Variants in RET observed in about 807,000 individuals in gnomAD.
RET encodes the protein ret proto-oncogene, also known as proto-oncogene tyrosine-protein kinase receptor Ret.
RET carries 19 observed loss-of-function variants against 118.3 expected under a neutral mutation model. That is an observed-to-expected ratio of 0.16 (90% CI 0.11 to 0.24). The LOEUF is 0.24. Among genes scored for constraint, RET ranks in the 10% least tolerant of loss-of-function variants. The probability of loss-of-function intolerance (pLI) is 1.00; values close to 1 mark genes in which losing one functional copy is unlikely to be tolerated. For missense variants in RET, 1,219 were observed against 1,502.1 expected, an observed-to-expected ratio of 0.81 and a Z score of 3.12; for synonymous variants, 597 against 644.1, an observed-to-expected ratio of 0.93 and a Z score of 1.11.
rs150797149 is a variant in RET, at chr10:43,105,151, C to T, written c.825C>T (p.Gly275=). 2.5e-6 allele frequency: 4 copies of T among 1,612,530 alleles called. No homozygotes were observed. The highest frequency in any genetic ancestry group is 1.7e-5 in the Admixed American group (1 of 59,976). ...ACTCGGCGCCCACCTTCCCCGCGGG[C>T]GTCGACACCGCCAGCGCCGTGGTGG... ...EDDSAPTFPA[G]VDTASAVVEF... is the part of the protein sequence containing the mutation. Residue 275 remains glycine (G), a synonymous_variant, in exon 4 of 20, where the codon GGC becomes GGT. Transcript: ENST00000355710.
At chr10:43,122,037 C>A in intron 16 of RET, 21 bp downstream of exon 16, 1 of 1,601,318 alleles carries the variant, frequency 6.2e-7, no homozygotes, top group South Asian at 1.1e-5. Flanking sequence ...GTGTTGCTCT[C>A]TTGGGGTGGA....
rs771768140 is a variant in RET at position 43,114,725 on chromosome 10, T to C, written c.2125T>C (p.Phe709Leu). The C allele has an allele frequency of 8.7e-6, 14 of 1,610,000 alleles. 1 individual carries two copies. The South Asian group carries it at 1.3e-4, about 15-fold the overall frequency. ...GGAGAACCAGGTCTCCGTGGATGCC[T>C]TCAAGATCCTGGTGAGGGTCCCTGC... ...SMENQVSVDA[F>L]KILEDPKWEF... is the part of the protein sequence containing the mutation. The change falls in exon 11 of 20, where the codon TTC (phenylalanine) becomes CTC (leucine). Residue 709 changes from phenylalanine to leucine, a missense_variant. By Grantham distance (22) the Phe-to-Leu change is conservative. This residue lies in a region of RET where 850 missense variants were observed against 969.6 expected (regional missense o/e 0.88). Coordinates refer to ENST00000355710, the MANE Select transcript of RET (RefSeq NM_020975.6). The surrounding 1 kb of genome is among the most constrained non-coding windows in gnomAD (Gnocchi z 4.6).
intron 1 of RET, among the ~76,000 whole-genome samples, chr10:43,080,944 C>T (rs1252848889): frequency 6.6e-6 from 1 of 152,212 alleles, no homozygotes; most frequent in Non-Finnish European, 1.5e-5. Context: ...GAAGCTACTG[C>T]TCTGAAGACA....
chr10:43,122,070 A>G, intron 16 of RET, 54 bp downstream of exon 16: 2 of 1,409,554 alleles, frequency 1.4e-6, no homozygotes, highest in Middle Eastern at 1.8e-4. Flanking sequence ...ACCCTTATAC[A>G]TGTAGTGGGG....
chr10:43,118,312 A>C, intron 12 of RET, 61 bp from the exon 13 acceptor site: 1 of 1,301,264 alleles, frequency 7.7e-7, no homozygotes, highest in Non-Finnish European at 1.1e-6. Flanking sequence ...CTGACCTGGT[A>C]TGGTCATGGA....
chr10:43,080,624 C>A (rs1837158427), intron 1 of RET, among the ~76,000 whole-genome samples: 1 of 152,236 alleles, frequency 6.6e-6, no homozygotes, highest in Non-Finnish European at 1.5e-5. Context: ...TGCCCACCCA[C>A]TGGTGAGTCC....
rs565561196 is a variant in RET, at chr10:43,106,808, G to A, written c.1063+237G>A. Among the ~76,000 whole-genome samples the A allele has an allele frequency of 1.3e-4, 20 of 152,254 alleles. No homozygotes were observed. In the South Asian group the frequency reaches 3.9e-3, roughly 30 times the overall value. ...CCTGAGCTGATCCATGGCCGACCCT[G>A]GCAGGGCCCCACCACACCCCCCTGC... On this transcript the variant is annotated intron_variant, in intron 5 of 19. Transcript: ENST00000355710. The surrounding 1 kb of genome is among the most constrained non-coding windows in gnomAD (Gnocchi z 5.1).
intron 3 of RET, chr10:43,102,973 CGAG>C (rs1837675354): frequency 2.6e-6 from 1 of 380,776 alleles, no homozygotes; most frequent in South Asian, 2.2e-5. Context: ...GGGGAACAGA[CGAG>C]GAGACCTCCA....
Position 43,114,827 on chromosome 10 carries a change from G to C in RET, c.2136+91G>C. ...CAGCTGGGGAGACAGAGGCCATCCT[G>C]TGAGGGGCTGCCAACGCTGGGCAGA... On this transcript the variant is annotated intron_variant, in intron 11 of 19. Transcript: ENST00000355710. This position sits in a 1 kb window ranked among gnomAD's most constrained non-coding sequence, Gnocchi z 4.6. The C allele has an allele frequency of 2.9e-6, 4 of 1,386,546 alleles. No homozygotes were observed. The highest frequency in any genetic ancestry group is 3.9e-6 in the Non-Finnish European group (4 of 1,030,074). 85.9% of individuals were successfully genotyped at this position (1,386,546 alleles called of 1,614,324 possible).
chr10:43,122,302 C>T (rs1838236830), intron 16 of RET, among the ~76,000 whole-genome samples: 1 of 152,188 alleles, frequency 6.6e-6, no homozygotes, highest in African/African-American at 2.4e-5. Flanking sequence ...CTTGCTAGTC[C>T]CATGCCTCCC....
intron 2 of RET, 101 bp from the exon 3 acceptor site, chr10:43,102,241 G>A: frequency 6.9e-7 from 1 of 1,452,440 alleles, no homozygotes; most frequent in Non-Finnish European, 9.5e-7. Context: ...CCTTGGTGGG[G>A]ACCAGGGTTT....
chr10:43,123,944 G>A, intron 17 of RET, 136 bp downstream of exon 17: 1 of 1,350,782 alleles, frequency 7.4e-7, no homozygotes. Context: ...GCAGAGGTTA[G>A]AGAGCCATCC....
Position 43,124,888 on chromosome 10 carries a change from G to T in RET, c.2945G>T (p.Arg982Leu), listed in dbSNP as rs368550200. Residue 982 changes from arginine to leucine, a missense_variant, in exon 18 of 20, where the codon CGC (arginine) becomes CTC (leucine). Around this residue, in one of 5 missense-constraint regions of RET, gnomAD observed 174 missense variants for 179.3 expected, o/e 0.97. Transcript: ENST00000355710. ...RPDNCSEEMYRLMLQCWKQEP... is the reference protein window; with the variant it reads ...RPDNCSEEMYLLMLQCWKQEP... ...CTGTCTGCTCTTCCCACCAGGTACCGCCTGATGCTGCAATGCTGGAAGCAG... is the reference window on the plus strand; with the variant it reads ...CTGTCTGCTCTTCCCACCAGGTACCTCCTGATGCTGCAATGCTGGAAGCAG... The T allele has an allele frequency of 1.2e-6, 2 of 1,613,912 alleles. No homozygotes were observed. Among genetic ancestry groups the T allele is most frequent in the South Asian group, 1.1e-5 (1 of 91,060 alleles).
rs143795581 is a variant in RET at position 43,114,596 on chromosome 10, A to G, written c.1996A>G (p.Lys666Glu). ...CCACTGCTACCACAAGTTTGCCCAC[A>G]AGCCACCCATCTCCTCAGCTGAGAT... ...CIHCYHKFAH[K>E]PPISSAEMTF... The change falls in exon 11 of 20, where the codon AAG becomes GAG. Residue 666 changes from lysine (K) to glutamate (E), a missense_variant. Lys to Glu is a moderately conservative substitution (Grantham distance 56). Coordinates refer to ENST00000355710, the MANE Select transcript of RET (RefSeq NM_020975.6). This position sits in a 1 kb window ranked among gnomAD's most constrained non-coding sequence, Gnocchi z 4.6. The G allele has an allele frequency of 6.8e-6, 11 of 1,612,078 alleles. No individual in the cohort carries two copies. The highest frequency in any genetic ancestry group is 1.1e-5 in the South Asian group (1 of 91,008).
rs572046459 is a variant in RET at position 43,105,929 on chromosome 10, A to G, written c.868-447A>G. Among the ~76,000 whole-genome samples, 6 of 152,158 alleles carry G rather than the reference A, an allele frequency of 3.9e-5. 1 individual carries two copies. In the South Asian group the frequency reaches 1.2e-3, roughly 32 times the overall value. On this transcript the variant is annotated intron_variant, in intron 4 of 19. Transcript: ENST00000355710. ...ACCCCCTCCAGCCTGGGGTAGGAGG[A>G]TGCTTGGAACAGAGCGCTCTGATGT...
At chr10:43,109,897 A>G (rs1466277955) in intron 6 of RET, among the ~76,000 whole-genome samples, 1 of 152,204 alleles carries the variant, frequency 6.6e-6, no homozygotes, top group Non-Finnish European at 1.5e-5. Flanking sequence ...TCTCGTAAGC[A>G]CTTATTAAGT....
chr10:43,086,936 C>G (rs1045157457), intron 1 of RET, among the ~76,000 whole-genome samples: 2 of 152,206 alleles, frequency 1.3e-5, no homozygotes, highest in Non-Finnish European at 2.9e-5. Context: ...TGCCCAGTTG[C>G]GGACCTCCTT....
At chr10:43,096,113 C>A (rs1837518608) in intron 1 of RET, among the ~76,000 whole-genome samples, 1 of 152,214 alleles carries the variant, frequency 6.6e-6, no homozygotes, top group Non-Finnish European at 1.5e-5. Context: ...GATTCTGTCA[C>A]CACGTGGCAT....
chr10:43,083,979 C>T (rs141056283), intron 1 of RET, among the ~76,000 whole-genome samples: 11 of 152,222 alleles, frequency 7.2e-5, no homozygotes, highest in African/African-American at 1.4e-4. Context: ...TCTGTCTCTG[C>T]GGCTTGGCCT....
Sources: allele counts gnomAD v4.1 joint callset (sites outside exome capture counted in the v4.1 genomes callset), GRCh38; gene constraint gnomAD v4.1.1; regional missense constraint gnomAD v4.1.1; non-coding constraint Gnocchi (gnomAD v3.1); transcripts MANE v1.5; gene names NCBI Gene and HGNC (gene_info 2026-07-23, HGNC 2026-07-21).